Variants in MACROD2 observed in about 807,000 individuals in gnomAD.
MACROD2 encodes the protein mono-ADP ribosylhydrolase 2.
Under a neutral mutation model 70.4 loss-of-function variants are expected in MACROD2, and 36 were observed. The observed-to-expected ratio is 0.51, with a 90% confidence interval of 0.39 to 0.68. MACROD2 has a LOEUF of 0.68. MACROD2 is among the 30% of genes least tolerant of loss of function. The pLI is 0.00. For missense variants in MACROD2, 496 were observed against 538.4 expected (o/e 0.92, Z 0.78); for synonymous variants, 172 against 178.8 (o/e 0.96, Z 0.30).
intron 15 of MACROD2, among the ~76,000 whole-genome samples, chr20:16,021,331 T>C (rs1280547544): frequency 7.9e-5 from 12 of 152,188 alleles, no homozygotes; most frequent in Non-Finnish European, 1.8e-4. Context: ...CTGATTTTTG[T>C]GTTGGATCCT....
chr20:15,280,972 G>C (rs1285414415), intron 6 of MACROD2: 2 of 152,276 alleles, frequency 1.3e-5, no homozygotes, highest in Non-Finnish European at 2.9e-5. Context: ...TGCTAGGGAG[G>C]CCTCAGAAAA....
At chr20:14,155,217 A>T (rs1181831634) in intron 3 of MACROD2, among the ~76,000 whole-genome samples, 1 of 152,234 alleles carries the variant, frequency 6.6e-6, no homozygotes, top group Admixed American at 6.5e-5. Context: ...AATATATATG[A>T]AACATAACAT....
At chr20:14,032,992 A>G (rs1209241071) in intron 2 of MACROD2, among the ~76,000 whole-genome samples, 1 of 152,012 alleles carries the variant, frequency 6.6e-6, no homozygotes, top group Non-Finnish European at 1.5e-5. Context: ...CACCTGTTTT[A>G]AAAAACTGTC....
At chr20:14,059,360 A>T (rs2053666975) in intron 2 of MACROD2, among the ~76,000 whole-genome samples, 1 of 152,212 alleles carries the variant, frequency 6.6e-6, no homozygotes, top group Non-Finnish European at 1.5e-5. Context: ...AGCACCAGAC[A>T]CTGTCCTAGG....
At chr20:15,152,287 G>A (rs1192366589) in intron 5 of MACROD2, among the ~76,000 whole-genome samples, 1 of 151,830 alleles carries the variant, frequency 6.6e-6, no homozygotes, top group African/African-American at 2.4e-5. Flanking sequence ...CAGGCTAAGG[G>A]AGAAGGAGGA....
intron 3 of MACROD2, among the ~76,000 whole-genome samples, chr20:14,353,482 A>T (rs2083143600): frequency 6.6e-6 from 1 of 152,076 alleles, no homozygotes; most frequent in Non-Finnish European, 1.5e-5. Context: ...TTAAGGGATG[A>T]CTATTTTTTA....
chr20:14,314,001 C>T (rs989490142), intron 3 of MACROD2, among the ~76,000 whole-genome samples: 1 of 152,134 alleles, frequency 6.6e-6, no homozygotes, highest in Admixed American at 6.5e-5. Flanking sequence ...TCATCTGAAA[C>T]ACTGTTCCTG....
intron 4 of MACROD2, among the ~76,000 whole-genome samples, chr20:14,533,556 G>A (rs1356516409): frequency 2.0e-5 from 3 of 152,094 alleles, no homozygotes; most frequent in Non-Finnish European, 4.4e-5. Flanking sequence ...AGAAAAAGAG[G>A]ATGAAAAGTA....
chr20:14,619,047 A>C (rs1983646926), intron 4 of MACROD2, among the ~76,000 whole-genome samples: 1 of 151,850 alleles, frequency 6.6e-6, no homozygotes, highest in South Asian at 2.1e-4. Context: ...AGCCCTTAAA[A>C]TAACGATCAT....
chr20:14,051,888 A>G (rs1417802018), intron 2 of MACROD2: 3 of 516,232 alleles, frequency 5.8e-6, no homozygotes, highest in South Asian at 4.3e-5. Context: ...TGCCACATCT[A>G]CTATAAACTT....
intron 3 of MACROD2, among the ~76,000 whole-genome samples, chr20:14,122,984 A>G (rs2054604407): frequency 6.6e-6 from 1 of 152,262 alleles, no homozygotes; most frequent in Non-Finnish European, 1.5e-5. Flanking sequence ...GCACCAAACT[A>G]GTGTTTTTTG....
intron 7 of MACROD2, among the ~76,000 whole-genome samples, chr20:15,491,964 G>T (rs536617454): frequency 2.6e-5 from 4 of 152,182 alleles, no homozygotes; most frequent in Non-Finnish European, 5.9e-5. Flanking sequence ...CAAAACAGCT[G>T]CAACTCCACT....
At chr20:15,847,787 T>C (rs2064250113) in intron 8 of MACROD2, among the ~76,000 whole-genome samples, 1 of 152,208 alleles carries the variant, frequency 6.6e-6, no homozygotes, top group African/African-American at 2.4e-5. Flanking sequence ...GGTTGACATT[T>C]AGTTGACATT....
At chr20:14,829,282 A>G (rs1954336904) in intron 5 of MACROD2, among the ~76,000 whole-genome samples, 1 of 151,610 alleles carries the variant, frequency 6.6e-6, no homozygotes, top group Non-Finnish European at 1.5e-5. Context: ...GGTGCCTGCC[A>G]CCACGCCCGG....
At chr20:15,057,512 C>T (rs2075496202) in intron 5 of MACROD2, among the ~76,000 whole-genome samples, 1 of 152,180 alleles carries the variant, frequency 6.6e-6, no homozygotes, top group Non-Finnish European at 1.5e-5. Context: ...TCTCAGAGGC[C>T]ATATATGGCC....
At chr20:15,112,599 A>T (rs1160524113) in intron 5 of MACROD2, among the ~76,000 whole-genome samples, 1 of 152,298 alleles carries the variant, frequency 6.6e-6, no homozygotes, top group South Asian at 2.1e-4. Context: ...TAAATTTGAT[A>T]TCAAGCCCTG....
chr20:14,463,143 G>C (rs1448095725), intron 3 of MACROD2, among the ~76,000 whole-genome samples: 1 of 151,428 alleles, frequency 6.6e-6, no homozygotes, highest in Non-Finnish European at 1.5e-5. Flanking sequence ...CCATTTTCAC[G>C]CTATTGATTC....
intron 6 of MACROD2, among the ~76,000 whole-genome samples, chr20:15,282,829 C>T (rs1325930939): frequency 6.6e-6 from 1 of 152,110 alleles, no homozygotes; most frequent in Non-Finnish European, 1.5e-5. Flanking sequence ...TAGCAGTGCC[C>T]CACTCTCAGT....
intron 5 of MACROD2, among the ~76,000 whole-genome samples, chr20:15,147,501 A>G (rs1040911317): frequency 1.4e-5 from 2 of 146,730 alleles, no homozygotes; most frequent in African/African-American, 5.1e-5. Context: ...ATTCCAACAG[A>G]TTTTTTTTCC....
Sources: allele counts gnomAD v4.1 joint callset (sites outside exome capture counted in the v4.1 genomes callset), GRCh38; gene constraint gnomAD v4.1.1; transcripts MANE v1.5; gene names NCBI Gene and HGNC (gene_info 2026-07-23, HGNC 2026-07-21).